Variants in KCTD16 observed in about 807,000 individuals in gnomAD.
KCTD16 encodes the protein potassium channel tetramerization domain containing 16, also known as BTB/POZ domain-containing protein KCTD16.
In KCTD16, 13 loss-of-function variants were observed where a neutral mutation model predicts 33.2. The observed-to-expected ratio is 0.39, with a 90% CI of 0.25 to 0.62. The LOEUF is 0.62. Among genes scored for constraint, KCTD16 ranks in the 20% least tolerant of loss-of-function variants. The pLI, the probability that KCTD16 is intolerant of heterozygous loss-of-function variation, is 0.50. For missense variants in KCTD16, 441 were observed against 525.1 expected, an observed-to-expected ratio of 0.84 and a Z score of 1.57; for synonymous variants, 197 against 195.3, an observed-to-expected ratio of 1.01 and a Z score of -0.07.
intron 3 of KCTD16, among the ~76,000 whole-genome samples, chr5:144,216,646 C>G (rs887771324): frequency 2.6e-5 from 4 of 151,996 alleles, no homozygotes; most frequent in Non-Finnish European, 5.9e-5. Context: ...GAGTTTGAGA[C>G]CAGCCTGGCC....
intron 3 of KCTD16, among the ~76,000 whole-genome samples, chr5:144,242,247 TACAG>T (rs1754423534): frequency 6.6e-6 from 1 of 152,132 alleles, no homozygotes; most frequent in African/African-American, 2.4e-5. Context: ...CATTCTAGTG[TACAG>T]ACAGAGGTCA....
intron 3 of KCTD16, among the ~76,000 whole-genome samples, chr5:144,226,093 T>C (rs1302620052): frequency 2.6e-5 from 4 of 152,230 alleles, no homozygotes; most frequent in Non-Finnish European, 5.9e-5. Context: ...TCCACTTAAC[T>C]GTTTACCTTT....
intron 3 of KCTD16, among the ~76,000 whole-genome samples, chr5:144,221,995 A>G (rs1382103052): frequency 6.6e-6 from 1 of 152,056 alleles, no homozygotes; most frequent in Non-Finnish European, 1.5e-5. Context: ...TGTGGTTTTG[A>G]TTTGCATTTC....
chr5:144,274,149 T>G (rs1755381085), intron 3 of KCTD16, among the ~76,000 whole-genome samples: 3 of 152,000 alleles, frequency 2.0e-5, no homozygotes, highest in Admixed American at 2.0e-4. Context: ...TTTCTCTTTC[T>G]ATTTATTGTC....
chr5:144,287,011 A>G (rs951741408), intron 3 of KCTD16, among the ~76,000 whole-genome samples: 2 of 152,256 alleles, frequency 1.3e-5, no homozygotes, highest in Non-Finnish European at 2.9e-5. Flanking sequence ...AATATTATCC[A>G]AGACAGAATT....
chr5:144,214,937 T>C (rs1219849472), intron 3 of KCTD16, among the ~76,000 whole-genome samples: 1 of 152,196 alleles, frequency 6.6e-6, no homozygotes, highest in Admixed American at 6.5e-5. Flanking sequence ...TTATAAATAT[T>C]TCTTTAGAAT....
chr5:144,229,503 G>A (rs920114512), intron 3 of KCTD16, among the ~76,000 whole-genome samples: 7 of 152,158 alleles, frequency 4.6e-5, no homozygotes, highest in African/African-American at 1.4e-4. Context: ...TTAGGAGTTA[G>A]GAGTACTCAA....
At chr5:144,212,374 G>A (rs982654383) in intron 3 of KCTD16, among the ~76,000 whole-genome samples, 56 of 152,256 alleles carry the variant, frequency 3.7e-4, no homozygotes, top group African/African-American at 1.3e-3. Context: ...TTCTTCCTGG[G>A]TCTGTGGCAT....
intron 2 of KCTD16, chr5:144,205,568 A>T (rs1241614179): frequency 5.0e-6 from 2 of 398,614 alleles, no homozygotes; most frequent in Non-Finnish European, 8.8e-6. Flanking sequence ...GCTACCTGGG[A>T]CCCTAGCAGG....
In KCTD16 at chr5:144,477,234, A is replaced by C. The variant is rs560552205; in HGVS notation, c.*3120A>C. 6.6e-6 allele frequency: 1 copy of C among 152,232 alleles called. No homozygotes were observed. The highest frequency in any genetic ancestry group is 2.1e-4 in the South Asian group (1 of 4,826). The allele number at this position is 152,232 out of a possible 1,614,324, so 9.4% of individuals were successfully genotyped here. ...GATTTTCTTTCCCCTGCTAGGAAAA[A>C]ATTGCACTGAAATGCTGACAAAAAA... is the stretch of plus-strand genomic sequence containing the variant. On this transcript the variant is annotated 3_prime_UTR_variant, in exon 4 of 4. Transcript: ENST00000512467.
At chr5:144,281,654 T>A (rs1261868807) in intron 3 of KCTD16, among the ~76,000 whole-genome samples, 1 of 152,230 alleles carries the variant, frequency 6.6e-6, no homozygotes, top group Non-Finnish European at 1.5e-5. Context: ...GAAAAAAAAT[T>A]CATTTTGCTA....
chr5:144,190,385 C>T (rs1258846952), intron 2 of KCTD16, among the ~76,000 whole-genome samples: 1 of 152,188 alleles, frequency 6.6e-6, no homozygotes, highest in South Asian at 2.1e-4. Context: ...TGGCTTCTCT[C>T]TCCTTCCGTT....
intron 3 of KCTD16, among the ~76,000 whole-genome samples, chr5:144,334,798 A>G (rs992812876): frequency 1.3e-5 from 2 of 151,972 alleles, no homozygotes; most frequent in African/African-American, 4.8e-5. Flanking sequence ...TTGTTTTTAG[A>G]CAGGGTCTCA....
chr5:144,331,524 T>G lies in KCTD16; in HGVS notation c.832+123978T>G, dbSNP rs192348133. ...GAGTATATAATTACCCAGGAGCAGA[T>G]AAGTGAGAGTTGACAGCTGTCAAAC... On this transcript the variant is annotated intron_variant, in intron 3 of 3. Transcript: ENST00000512467. Among the ~76,000 whole-genome samples the G allele has an allele frequency of 2.2e-3, 338 of 152,256 alleles. 3 individuals carry two copies. Among genetic ancestry groups the G allele is most frequent in the Middle Eastern group, 6.8e-3 (2 of 294 alleles).
intron 3 of KCTD16, among the ~76,000 whole-genome samples, chr5:144,314,889 T>G (rs1403239336): frequency 1.3e-5 from 2 of 152,160 alleles, no homozygotes; most frequent in Non-Finnish European, 2.9e-5. Flanking sequence ...TTGCCTATAT[T>G]TACTCCTCAG....
chr5:144,244,033 G>A (rs919041209), intron 3 of KCTD16, among the ~76,000 whole-genome samples: 4 of 152,202 alleles, frequency 2.6e-5, no homozygotes, highest in Admixed American at 1.3e-4. Flanking sequence ...ATGAGCCACC[G>A]CGTCCAGCCC....
intron 2 of KCTD16, among the ~76,000 whole-genome samples, chr5:144,193,996 G>A (rs192617193): frequency 6.6e-5 from 10 of 152,216 alleles, no homozygotes; most frequent in African/African-American, 2.4e-4. Context: ...CTTAGGACTC[G>A]AGTGTAAGGT....
chr5:144,172,306 T>C (rs1157821949), intron 1 of KCTD16, among the ~76,000 whole-genome samples: 1 of 152,208 alleles, frequency 6.6e-6, no homozygotes, highest in Non-Finnish European at 1.5e-5. Context: ...GTTGTACATA[T>C]TTATGAGATA....
intron 3 of KCTD16, among the ~76,000 whole-genome samples, chr5:144,422,479 A>C (rs1753232634): frequency 6.6e-6 from 1 of 152,178 alleles, no homozygotes; most frequent in African/African-American, 2.4e-5. Context: ...ACTTTCAGCA[A>C]GTGCTATTTA....
Sources: gnomAD v4.1 joint callset for allele counts (sites outside exome capture counted in the v4.1 genomes callset) on GRCh38, gnomAD v4.1.1 for gene constraint, MANE v1.5 for transcripts, NCBI Gene and HGNC (gene_info 2026-07-23, HGNC 2026-07-21) for gene names.